The following GRM1 variants were observed in gnomAD, a reference collection of about 807,000 sequenced individuals.
GRM1 encodes the protein metabotropic glutamate receptor 1.
GRM1 carries 33 observed loss-of-function variants against 90.9 expected under a neutral mutation model. The ratio of observed to expected loss-of-function variants is 0.36; its 90% CI spans 0.28 to 0.49. GRM1 has a LOEUF of 0.49. Among genes scored for constraint, GRM1 ranks in the 20% least tolerant of loss-of-function variants. The pLI is 0.99. For synonymous variants in GRM1, 700 were observed against 613.2 expected (o/e 1.14, Z -2.09); for missense variants, 1,190 against 1,534.3 (o/e 0.78, Z 3.75).
At chr6:146,257,070 C>T (rs939948503) in intron 2 of GRM1, among the ~76,000 whole-genome samples, 1 of 152,088 alleles carries the variant, frequency 6.6e-6, no homozygotes, top group East Asian at 1.9e-4. Context: ...TTTTGAAATT[C>T]TGGAACTTAA....
At chr6:146,344,730 T>C (rs915527589) in intron 3 of GRM1, among the ~76,000 whole-genome samples, 2 of 152,210 alleles carry the variant, frequency 1.3e-5, no homozygotes, top group Non-Finnish European at 2.9e-5. Context: ...GGCTGATAAG[T>C]CTACATAAAG....
chr6:146,137,544 T>C (rs9497456), intron 1 of GRM1, among the ~76,000 whole-genome samples: 38,530 of 152,140 alleles, frequency 0.25, 8,838 homozygotes, highest in African/African-American at 0.62. Flanking sequence ...TATAACAGTA[T>C]CATGCTGTTT....
At chr6:146,243,856 G>A (rs1289953354) in intron 2 of GRM1, among the ~76,000 whole-genome samples, 10 of 152,014 alleles carry the variant, frequency 6.6e-5, no homozygotes, top group African/African-American at 1.9e-4. Context: ...ATCTACATCC[G>A]TATAAGACAG....
chr6:146,372,498 A>T (rs7759817), intron 5 of GRM1, among the ~76,000 whole-genome samples: 66,229 of 151,828 alleles, frequency 0.44, 14,586 homozygotes, highest in African/African-American at 0.5. Context: ...TTTGCTTTGG[A>T]TGCCTATGCT....
intron 2 of GRM1, among the ~76,000 whole-genome samples, chr6:146,172,796 TG>T (rs1778186287): frequency 6.6e-6 from 1 of 152,180 alleles, no homozygotes. Context: ...TCCTAGAATT[TG>T]TTTTTGTCAT....
At chr6:146,397,596 A>G (rs362932) in intron 6 of GRM1, among the ~76,000 whole-genome samples, 3 of 151,654 alleles carry the variant, frequency 2.0e-5, no homozygotes, top group East Asian at 3.9e-4. Flanking sequence ...TTCATTTTAT[A>G]TGGAGTTTTT....
intron 2 of GRM1, among the ~76,000 whole-genome samples, chr6:146,208,652 A>T (rs1779575144): frequency 6.6e-6 from 1 of 152,102 alleles, no homozygotes; most frequent in Admixed American, 6.6e-5. Flanking sequence ...TTACCTTTGA[A>T]TTTCACATAT....
At chr6:146,115,607 A>G (rs939200417) in intron 1 of GRM1, among the ~76,000 whole-genome samples, 19 of 152,314 alleles carry the variant, frequency 1.2e-4, no homozygotes, top group African/African-American at 4.6e-4. Flanking sequence ...ACATAAATAT[A>G]TAATTTTTTA....
intron 7 of GRM1, among the ~76,000 whole-genome samples, chr6:146,411,449 G>T (rs1347815477): frequency 6.6e-6 from 1 of 152,204 alleles, no homozygotes; most frequent in Non-Finnish European, 1.5e-5. Flanking sequence ...AGATTACTTA[G>T]AACTAGTTAG....
intron 1 of GRM1, among the ~76,000 whole-genome samples, chr6:146,078,131 G>A (rs1776248572): frequency 1.3e-5 from 2 of 152,216 alleles, no homozygotes; most frequent in African/African-American, 4.8e-5. Context: ...TGTGTGATGA[G>A]AGGAGTAAGC....
rs362979 is a variant in GRM1, at chr6:146,331,427, G to T, written c.1187-20823G>T. ...AATGGATAGTAAACAAGAAATAATGGAAAATGATATTGTACAAACCAAAGA... is the reference window on the plus strand; with the variant it reads ...AATGGATAGTAAACAAGAAATAATGTAAAATGATATTGTACAAACCAAAGA... On this transcript the variant is annotated intron_variant, in intron 3 of 7. Coordinates refer to ENST00000282753, the MANE Select transcript of GRM1 (RefSeq NM_001278064.2). Among the ~76,000 whole-genome samples the T allele has an allele frequency of 1.0e-3, 158 of 152,198 alleles. 2 individuals are homozygous for T. The South Asian group carries it at 0.031, about 30-fold the overall frequency.
intron 1 of GRM1, among the ~76,000 whole-genome samples, chr6:146,108,892 GT>G (rs1775433213): frequency 6.6e-6 from 1 of 152,174 alleles, no homozygotes; most frequent in Non-Finnish European, 1.5e-5. Flanking sequence ...GAAACTGGTG[GT>G]ATTTTGCCCC....
intron 2 of GRM1, among the ~76,000 whole-genome samples, chr6:146,176,533 T>C (rs138750692): frequency 1.3e-5 from 2 of 152,188 alleles, no homozygotes; most frequent in African/African-American, 4.8e-5. Context: ...TGTTGACTTG[T>C]TCAAGAGTTC....
intron 1 of GRM1, among the ~76,000 whole-genome samples, chr6:146,043,119 C>G (rs546605127): frequency 4.0e-4 from 60 of 151,778 alleles, no homozygotes; most frequent in Non-Finnish European, 7.4e-4. Context: ...TATAGCAAGA[C>G]CCCATCTCTA....
chr6:146,029,766 C>G lies in GRM1; in HGVS notation c.249C>G (p.Phe83Leu). 6.2e-7 allele frequency: 1 copy of G among 1,614,074 alleles called. No homozygotes were observed. The highest frequency in any genetic ancestry group is 8.5e-7 in the Non-Finnish European group (1 of 1,179,984). The change falls in exon 1 of 8, where the codon TTC becomes TTG. Residue 83 changes from phenylalanine (F) to leucine (L), a missense_variant. Coordinates refer to ENST00000282753, the MANE Select transcript of GRM1 (RefSeq NM_001278064.2). ...GCATCCAGAGGGTGGAGGCCATGTTCCACACGTTGGATAAGATCAACGCGG... is the reference window on the plus strand; with the variant it reads ...GCATCCAGAGGGTGGAGGCCATGTTGCACACGTTGGATAAGATCAACGCGG... ...QYGIQRVEAM[F>L]HTLDKINADP...
chr6:146,029,018 G>C (rs750990240), upstream of GRM1, among the ~76,000 whole-genome samples: 42 of 152,302 alleles, frequency 2.8e-4, no homozygotes, highest in Admixed American at 5.9e-4. Flanking sequence ...GAGGACAGAG[G>C]GGGCAGGACA....
intron 3 of GRM1, among the ~76,000 whole-genome samples, chr6:146,316,412 G>T (rs1374607669): frequency 6.6e-6 from 1 of 152,200 alleles, no homozygotes; most frequent in Non-Finnish European, 1.5e-5. Flanking sequence ...CCATGGAAAT[G>T]AATTTATTCA....
intron 7 of GRM1, among the ~76,000 whole-genome samples, chr6:146,400,569 T>C (rs1777121934): frequency 6.6e-6 from 1 of 152,150 alleles, no homozygotes; most frequent in South Asian, 2.1e-4. Context: ...TTTCCTATCC[T>C]TTTTCTATTT....
At chr6:146,392,165 C>T (rs1266323692) in intron 6 of GRM1, among the ~76,000 whole-genome samples, 1 of 152,074 alleles carries the variant, frequency 6.6e-6, no homozygotes, top group Non-Finnish European at 1.5e-5. Flanking sequence ...ATGGATTTTG[C>T]CTGAAATCAC....
Sources: gnomAD v4.1 joint callset for allele counts (sites outside exome capture counted in the v4.1 genomes callset) on GRCh38, gnomAD v4.1.1 for gene constraint, MANE v1.5 for transcripts, NCBI Gene and HGNC (gene_info 2026-07-23, HGNC 2026-07-21) for gene names.